Variants in SYNJ2 observed in about 807,000 individuals in gnomAD.
SYNJ2 encodes synaptojanin 2.
In SYNJ2, 116 loss-of-function variants were observed where a neutral mutation model predicts 141.3. The ratio of observed to expected loss-of-function variants is 0.82; its 90% CI spans 0.71 to 0.96. The LOEUF (loss-of-function observed/expected upper bound fraction) is 0.96. Among genes scored for constraint, SYNJ2 ranks in the 40% least tolerant of loss-of-function variants. The pLI is 0.00. For synonymous variants in SYNJ2, 745 were observed against 777.7 expected (o/e 0.96, Z 0.70); for missense variants, 1,873 against 1,934.8 (o/e 0.97, Z 0.60).
At chr6:158,057,214 C>T (rs930104916) in intron 6 of SYNJ2, among the ~76,000 whole-genome samples, 1 of 152,094 alleles carries the variant, frequency 6.6e-6, no homozygotes, top group Non-Finnish European at 1.5e-5. Flanking sequence ...ATGACAGTAA[C>T]CCGTAGGCAG....
intron 26 of SYNJ2, chr6:158,093,980 A>C (rs745433433): frequency 1.3e-6 from 1 of 765,288 alleles, no homozygotes; most frequent in South Asian, 1.3e-5. Flanking sequence ...AAAGACTGGC[A>C]TCTGTAGACA....
intron 15 of SYNJ2, among the ~76,000 whole-genome samples, chr6:158,073,717 C>T (rs1350119692): frequency 6.6e-6 from 1 of 152,026 alleles, no homozygotes; most frequent in Non-Finnish European, 1.5e-5. Context: ...TCTAGACGCT[C>T]ATTTTATTTG....
At chr6:158,089,358 G>A (rs543976603) in intron 24 of SYNJ2, among the ~76,000 whole-genome samples, 2 of 152,228 alleles carry the variant, frequency 1.3e-5, no homozygotes, top group South Asian at 2.1e-4. Flanking sequence ...CCTCTGGGGT[G>A]CTGGGCCTGG....
intron 1 of SYNJ2, among the ~76,000 whole-genome samples, chr6:158,005,137 G>A (rs1386559628): frequency 6.7e-6 from 1 of 150,310 alleles, no homozygotes; most frequent in Non-Finnish European, 1.5e-5. Context: ...GAGTGCAGTG[G>A]CGCGATCTCG....
At chr6:158,009,014 C>T (rs1436033990) in intron 1 of SYNJ2, among the ~76,000 whole-genome samples, 6 of 152,352 alleles carry the variant, frequency 3.9e-5, no homozygotes, top group African/African-American at 1.2e-4. Context: ...AGGAGTGCTT[C>T]TGCCGCAGGA....
intron 8 of SYNJ2, among the ~76,000 whole-genome samples, chr6:158,063,461 C>G (rs899959758): frequency 6.6e-6 from 1 of 152,034 alleles, no homozygotes; most frequent in Non-Finnish European, 1.5e-5. Flanking sequence ...GAGTTCGAGA[C>G]TAGCCTGGCC....
intron 15 of SYNJ2, 121 bp from the exon 16 acceptor site, chr6:158,074,458 CT>C: frequency 1.8e-6 from 2 of 1,110,076 alleles, no homozygotes; most frequent in Admixed American, 2.6e-5. Flanking sequence ...AGAAAACTTT[CT>C]TTTTTCTAAG....
rs780003105 is a variant in SYNJ2 at position 158,089,977 on chromosome 6, AC to A, written c.3565+32del. On this transcript the variant is annotated intron_variant, in intron 25 of 26. Transcript: ENST00000355585. ...GTGCTTTCCTGGGGGCAGGGGAAAA[AC>A]CAATTCTCCTTTTCTTTTTATCTCC... The A allele has an allele frequency of 3.3e-6, 5 of 1,494,112 alleles. No individual in the cohort carries two copies. In the South Asian group the frequency reaches 5.7e-5, roughly 17 times the overall value. 92.6% of individuals were successfully genotyped at this position (1,494,112 alleles called of 1,614,324 possible).
intron 20 of SYNJ2, 113 bp from the exon 21 acceptor site, chr6:158,083,316 A>G: frequency 7.8e-7 from 1 of 1,289,434 alleles, no homozygotes; most frequent in Non-Finnish European, 1.1e-6. Context: ...TCAGGGCCAA[A>G]TGTGAAGATT....
intron 12 of SYNJ2, among the ~76,000 whole-genome samples, chr6:158,068,345 G>A (rs1006177657): frequency 2.6e-5 from 4 of 152,142 alleles, no homozygotes; most frequent in Non-Finnish European, 4.4e-5. Context: ...AGGAGCCTGG[G>A]TGTCAGAGGT....
chr6:157,983,561 A>G (rs1777088800), intron 1 of SYNJ2, among the ~76,000 whole-genome samples: 1 of 152,390 alleles, frequency 6.6e-6, no homozygotes, highest in Admixed American at 6.5e-5. Context: ...GTTCATACAC[A>G]TTCAAGAATT....
rs999085788 is a variant in SYNJ2, at chr6:158,084,924, C to T, written c.3208+750C>T. ...ACTCATATAATATCATATTATTATA[C>T]AGTCATGTCATACGGTCACATCATT... On this transcript the variant is annotated intron_variant, in intron 22 of 26. Transcript: ENST00000355585. The surrounding 1 kb of genome is among the most constrained non-coding windows in gnomAD (Gnocchi z 5.0). Among the ~76,000 whole-genome samples, 2 of 151,774 alleles carry T rather than the reference C, an allele frequency of 1.3e-5. No individual in the cohort carries two copies. The highest frequency in any genetic ancestry group is 2.9e-5 in the Non-Finnish European group (2 of 67,994).
Position 158,017,115 on chromosome 6 carries a change from G to A in SYNJ2, c.128-89G>A. 3 of 1,523,970 alleles carry A rather than the reference G, an allele frequency of 2.0e-6. No homozygotes were observed. In the South Asian group the frequency reaches 3.8e-5, roughly 19 times the overall value. 94.4% of individuals were successfully genotyped at this position (1,523,970 alleles called of 1,614,324 possible). A position where few individuals can be genotyped will look rare whatever the true frequency, so the allele number is the denominator to read the frequency against. On this transcript the variant is annotated intron_variant, in intron 1 of 26. Coordinates refer to ENST00000355585, the MANE Select transcript of SYNJ2 (RefSeq NM_003898.4). ...TTTGTGTTTTCTTTTTGGAGTGGGT[G>A]GGAAGCCAGCTTGGCAAGCCGGGTG...
intron 1 of SYNJ2, among the ~76,000 whole-genome samples, chr6:157,990,420 A>T (rs1027874374): frequency 6.6e-6 from 1 of 152,186 alleles, no homozygotes; most frequent in Non-Finnish European, 1.5e-5. Flanking sequence ...CCCCCTGAGG[A>T]CAGGGCCTCA....
chr6:158,062,304 G>A, intron 8 of SYNJ2, 140 bp downstream of exon 8: 2 of 1,358,532 alleles, frequency 1.5e-6, no homozygotes, highest in Non-Finnish European at 1.9e-6. Context: ...CCTATGAGGG[G>A]CAGCTTCCTT....
intron 2 of SYNJ2, among the ~76,000 whole-genome samples, chr6:158,026,544 G>T (rs1779059012): frequency 6.6e-6 from 1 of 152,076 alleles, no homozygotes; most frequent in South Asian, 2.1e-4. Context: ...AGGAGCCCCA[G>T]TGCTCTGTGG....
intron 5 of SYNJ2, among the ~76,000 whole-genome samples, chr6:158,051,266 T>G (rs1031244470): frequency 6.6e-6 from 1 of 152,088 alleles, no homozygotes; most frequent in African/African-American, 2.4e-5. Flanking sequence ...CAGGGGAGAC[T>G]TCTTGTGATG....
At position 158,043,807 on chromosome 6, in the gene SYNJ2, T is replaced by C. The variant is rs1583392709; in HGVS notation, c.795+408T>C. Among the ~76,000 whole-genome samples, 1 of 152,184 alleles carries C rather than the reference T, an allele frequency of 6.6e-6. No homozygotes were observed. The highest frequency in any genetic ancestry group is 1.9e-4 in the East Asian group (1 of 5,198). On this transcript the variant is annotated intron_variant, in intron 5 of 26. Transcript: ENST00000355585. The surrounding 1 kb of genome is among the most constrained non-coding windows in gnomAD (Gnocchi z 4.0). ...GCTTCAGGAAGGCTCTGTGGCTGCG[T>C]AGGTCTGGCACCCGGTGCTGCCTGT...
intron 17 of SYNJ2, among the ~76,000 whole-genome samples, chr6:158,077,170 T>C (rs1295283997): frequency 6.6e-6 from 1 of 152,126 alleles, no homozygotes; most frequent in East Asian, 1.9e-4. Flanking sequence ...AATTTTGTAT[T>C]TTTAGTAGAG....
Sources: allele counts gnomAD v4.1 joint callset (sites outside exome capture counted in the v4.1 genomes callset), GRCh38; gene constraint gnomAD v4.1.1; non-coding constraint Gnocchi (gnomAD v3.1); transcripts MANE v1.5; gene names NCBI Gene and HGNC (gene_info 2026-07-23, HGNC 2026-07-21).